LRRC3B: variants seen among roughly 807,000 people sequenced by gnomAD.
LRRC3B encodes leucine rich repeat containing 3B, also known as leucine-rich repeat-containing protein 3B.
Under a neutral mutation model 12.8 loss-of-function variants are expected in LRRC3B, and 2 were observed. That is an observed-to-expected ratio of 0.16 (90% CI 0.06 to 0.49). The LOEUF is 0.49. LRRC3B is among the 20% of genes least tolerant of loss of function. LRRC3B has a pLI of 0.96. For synonymous variants in LRRC3B, 132 were observed against 122.0 expected, an observed-to-expected ratio of 1.08 and a Z score of -0.54; for missense variants, 189 against 319.4, an observed-to-expected ratio of 0.59 and a Z score of 3.11.
chr3:26,676,980 A>G (rs1054002190), intron 1 of LRRC3B, among the ~76,000 whole-genome samples: 2 of 152,172 alleles, frequency 1.3e-5, no homozygotes, highest in Non-Finnish European at 1.5e-5. Context: ...CAAAATCACA[A>G]TATAAAGCAG....
At chr3:26,672,631 A>T (rs151022945) in intron 1 of LRRC3B, among the ~76,000 whole-genome samples, 1 of 152,308 alleles carries the variant, frequency 6.6e-6, no homozygotes, top group East Asian at 1.9e-4. Context: ...GTAAAATCTC[A>T]AATTTATTAT....
intron 1 of LRRC3B, among the ~76,000 whole-genome samples, chr3:26,683,521 C>T (rs1700013109): frequency 1.3e-5 from 2 of 152,288 alleles, no homozygotes; most frequent in African/African-American, 4.8e-5. Context: ...AGGTTTATGG[C>T]AGGTCCTCAC....
chr3:26,648,712 G>A (rs1202157821), intron 1 of LRRC3B, among the ~76,000 whole-genome samples: 1 of 152,210 alleles, frequency 6.6e-6, no homozygotes, highest in Admixed American at 6.5e-5. Context: ...TGGGAAAAAT[G>A]TGTATAGCAC....
In LRRC3B at chr3:26,646,598, TAAAAAAAAAAAAAAAA is replaced by T. The variant is rs529066996; in HGVS notation, c.-161+23384_-161+23399del. On this transcript the variant is annotated intron_variant, in intron 1 of 1. Transcript: ENST00000396641. Reference sequence around the variant, plus strand: ...CCCAGAGGCCACTAAGGATAGGAGGTAAAAAAAAAAAAAAAAAAAAAAAAAAAAAAAAAAAAAACGG... The same window carrying T: ...CCCAGAGGCCACTAAGGATAGGAGGTAAAAAAAAAAAAAAAAAAAAAACGG... 1.3e-3 allele frequency among the ~76,000 whole-genome samples: 131 copies of T among 99,648 alleles called. 2 individuals are homozygous for T. Among genetic ancestry groups the T allele is most frequent in the Non-Finnish European group, 1.6e-3 (77 of 48,176 alleles). 65.4% of individuals were successfully genotyped at this position (99,648 alleles called of 152,430 possible).
At chr3:26,629,568 C>T (rs552646922) in intron 1 of LRRC3B, among the ~76,000 whole-genome samples, 1 of 152,316 alleles carries the variant, frequency 6.6e-6, no homozygotes, top group East Asian at 1.9e-4. Flanking sequence ...AATTTATACA[C>T]TGAGAAGAGT....
chr3:26,708,602 AG>A (rs879647921), intron 1 of LRRC3B, among the ~76,000 whole-genome samples: 7 of 152,118 alleles, frequency 4.6e-5, no homozygotes, highest in African/African-American at 1.2e-4. Context: ...GGTAATTTTG[AG>A]AGTTAACTTA....
At chr3:26,671,346 GTGTGTATATATA>G (rs1239596275) in intron 1 of LRRC3B, among the ~76,000 whole-genome samples, 11 of 56,360 alleles carry the variant, frequency 2.0e-4, no homozygotes, top group East Asian at 1.6e-3. Flanking sequence ...GTGTATATAT[GTGTGTATATATA>G]TATATATATA....
intron 1 of LRRC3B, among the ~76,000 whole-genome samples, chr3:26,638,527 A>G (rs1174030258): frequency 2.6e-5 from 4 of 152,112 alleles, no homozygotes; most frequent in Non-Finnish European, 5.9e-5. Flanking sequence ...AGTGTGAATC[A>G]ATACCTGATG....
At chr3:26,695,604 A>G (rs1700296459) in intron 1 of LRRC3B, among the ~76,000 whole-genome samples, 1 of 152,244 alleles carries the variant, frequency 6.6e-6, no homozygotes, top group East Asian at 1.9e-4. Flanking sequence ...ACAGGTTTAT[A>G]TACATGTGTT....
At chr3:26,640,433 A>C (rs1319320894) in intron 1 of LRRC3B, among the ~76,000 whole-genome samples, 1 of 145,300 alleles carries the variant, frequency 6.9e-6, no homozygotes, top group African/African-American at 2.7e-5. Context: ...AACTAAAAAA[A>C]AAAAAAAAAC....
At chr3:26,694,985 A>C (rs1700275803) in intron 1 of LRRC3B, among the ~76,000 whole-genome samples, 1 of 152,174 alleles carries the variant, frequency 6.6e-6, no homozygotes. Context: ...ACCGTCCCCT[A>C]AAGGTAAAAC....
At chr3:26,622,837 C>G (rs1227115909) in exon 1 of LRRC3B, 2 of 152,260 alleles carry the variant, frequency 1.3e-5, no homozygotes, top group Non-Finnish European at 2.9e-5. Context: ...TCTGGGCAAG[C>G]GGCGCTTTGC....
intron 1 of LRRC3B, among the ~76,000 whole-genome samples, chr3:26,659,798 A>T (rs1395360467): frequency 6.6e-6 from 1 of 152,172 alleles, no homozygotes; most frequent in East Asian, 1.9e-4. Context: ...ATTCATTCCT[A>T]GGTTCTGAGA....
At chr3:26,707,004 G>A (rs189708349) in intron 1 of LRRC3B, among the ~76,000 whole-genome samples, 59 of 152,202 alleles carry the variant, frequency 3.9e-4, no homozygotes, top group African/African-American at 1.4e-3. Flanking sequence ...GAATGTATCC[G>A]AGAATAATAA....
intron 1 of LRRC3B, among the ~76,000 whole-genome samples, chr3:26,691,466 A>G (rs1242769059): frequency 1.3e-5 from 2 of 151,934 alleles, no homozygotes; most frequent in African/African-American, 4.8e-5. Flanking sequence ...AGCTGTCTCA[A>G]CTCCAAGCTG....
intron 1 of LRRC3B, among the ~76,000 whole-genome samples, chr3:26,699,534 T>A (rs1318098659): frequency 1.3e-5 from 2 of 152,150 alleles, no homozygotes. Flanking sequence ...ACCCAGTGAA[T>A]ATTATTACAG....
At chr3:26,697,492 A>G (rs2125455407) in intron 1 of LRRC3B, among the ~76,000 whole-genome samples, 1 of 152,258 alleles carries the variant, frequency 6.6e-6, no homozygotes, top group South Asian at 2.1e-4. Flanking sequence ...CCATCTCAAG[A>G]TCCTTAATTT....
chr3:26,678,120 A>G (rs1284712195), intron 1 of LRRC3B, among the ~76,000 whole-genome samples: 1 of 152,006 alleles, frequency 6.6e-6, no homozygotes, highest in African/African-American at 2.4e-5. Flanking sequence ...TCCAACCAAC[A>G]CTGGTATTTT....
intron 1 of LRRC3B, among the ~76,000 whole-genome samples, chr3:26,661,111 G>A (rs1248455343): frequency 6.6e-6 from 1 of 152,130 alleles, no homozygotes; most frequent in Non-Finnish European, 1.5e-5. Flanking sequence ...GACCCCAGGG[G>A]TATGTACATC....
Sources: allele counts gnomAD v4.1 joint callset (sites outside exome capture counted in the v4.1 genomes callset), GRCh38; gene constraint gnomAD v4.1.1; transcripts MANE v1.5; gene names NCBI Gene and HGNC (gene_info 2026-07-23, HGNC 2026-07-21).